QSER1: variants seen among roughly 807,000 people sequenced by gnomAD.
QSER1 encodes glutamine and serine-rich protein 1.
In QSER1, 49 loss-of-function variants were observed where a neutral mutation model predicts 158.5. The ratio of observed to expected loss-of-function variants is 0.31; its 90% CI spans 0.25 to 0.39. The LOEUF is 0.39. Ranked by LOEUF, QSER1 falls within the 10% of genes least tolerant of loss-of-function variation. The pLI is 1.00. For missense variants in QSER1, 1,754 were observed against 2,010.3 expected (o/e 0.87, Z 2.44); for synonymous variants, 650 against 715.5 (o/e 0.91, Z 1.46).
chr11:32,932,741 G>T lies in QSER1; in HGVS notation c.1483G>T (p.Val495Phe). 1 of 1,614,096 alleles carries T rather than the reference G, an allele frequency of 6.2e-7. No individual in the cohort carries two copies. Among genetic ancestry groups the T allele is most frequent in the South Asian group, 1.1e-5 (1 of 91,078 alleles). ...VHSQVYRSSK[V>F]EKLPPLYKTL... ...TTCACAGGTTTATAGGTCCAGCAAG[G>T]TTGAGAAATTGCCACCCTTGTATAA... Residue 495 changes from valine (V) to phenylalanine (F), a missense_variant, in exon 4 of 13, where the codon GTT becomes TTT. Coordinates refer to ENST00000650167, the MANE Select transcript of QSER1 (RefSeq NM_001076786.3).
At chr11:32,913,744 C>T (rs1392732468) in intron 1 of QSER1, among the ~76,000 whole-genome samples, 1 of 152,190 alleles carries the variant, frequency 6.6e-6, no homozygotes, top group Non-Finnish European at 1.5e-5. Context: ...ATTGTTTACT[C>T]TCACAACAAC....
In QSER1 at chr11:32,933,433, T is replaced by A; in HGVS notation, c.2175T>A (p.Thr725=). 6.2e-7 allele frequency: 1 copy of A among 1,613,730 alleles called. No homozygotes were observed. The highest frequency in any genetic ancestry group is 8.5e-7 in the Non-Finnish European group (1 of 1,179,890). Reference sequence around the variant, plus strand: ...GAGAAATTAATGCTCAAGAATCAACTTATAAGGTGTCAAAGGCAGATGACA... The same window carrying A: ...GAGAAATTAATGCTCAAGAATCAACATATAAGGTGTCAAAGGCAGATGACA... The part of the protein sequence containing the change: ...SDGEINAQES[T]YKVSKADDRY... The change falls in exon 4 of 13, where the codon ACT becomes ACA. Residue 725 remains threonine (T), a synonymous_variant. Transcript: ENST00000650167.
chr11:32,917,637 C>A (rs547030763), intron 1 of QSER1, among the ~76,000 whole-genome samples: 8 of 151,978 alleles, frequency 5.3e-5, no homozygotes, highest in African/African-American at 1.9e-4. Flanking sequence ...ACCAGCCTAG[C>A]CAACATGGTG....
At chr11:32,948,160 A>G (rs974794129) in intron 4 of QSER1, among the ~76,000 whole-genome samples, 2 of 152,232 alleles carry the variant, frequency 1.3e-5, no homozygotes, top group Admixed American at 6.5e-5. Context: ...AAAGGAAACC[A>G]AAACTGAAAT....
chr11:32,929,260 C>T (rs1238577716), intron 3 of QSER1, among the ~76,000 whole-genome samples: 2 of 152,034 alleles, frequency 1.3e-5, no homozygotes, highest in African/African-American at 2.4e-5. Flanking sequence ...TACAGGCATG[C>T]ACCACCACGC....
intron 1 of QSER1, among the ~76,000 whole-genome samples, chr11:32,926,454 G>T (rs545529268): frequency 6.6e-6 from 1 of 152,116 alleles, no homozygotes; most frequent in Non-Finnish European, 1.5e-5. Flanking sequence ...AGAAAAGTGG[G>T]TATGTGTGTA....
intron 10 of QSER1, among the ~76,000 whole-genome samples, chr11:32,969,683 T>C (rs1306298713): frequency 2.7e-5 from 4 of 148,334 alleles, no homozygotes; most frequent in African/African-American, 9.9e-5. Flanking sequence ...TTTCTTTTCT[T>C]TTCTTTTTTT....
intron 1 of QSER1, among the ~76,000 whole-genome samples, chr11:32,895,293 G>A (rs1000602847): frequency 1.3e-5 from 2 of 152,054 alleles, no homozygotes; most frequent in African/African-American, 4.8e-5. Flanking sequence ...GCGGTGGGGG[G>A]AATCAGCTAA....
At position 32,955,413 on chromosome 11, in the gene QSER1, G is replaced by A; in HGVS notation, c.4617+1G>A. 1 of 1,476,906 alleles carries A rather than the reference G, an allele frequency of 6.8e-7. No homozygotes were observed. Among genetic ancestry groups the A allele is most frequent in the African/African-American group, 1.4e-5 (1 of 70,452 alleles). 91.5% of individuals were successfully genotyped at this position (1,476,906 alleles called of 1,614,324 possible). ...AAGAGAATTTGCTGCTACAAATAGT[G>A]TAAGTAAAATGCATGTTTACATTAG... is the stretch of plus-strand genomic sequence containing the variant. On this transcript the variant is annotated splice_donor_variant, in intron 6 of 12. Transcript: ENST00000650167. LOFTEE classifies it high-confidence loss of function.
chr11:32,943,674 A>G (rs1852278273), intron 4 of QSER1, among the ~76,000 whole-genome samples: 1 of 151,170 alleles, frequency 6.6e-6, no homozygotes, highest in African/African-American at 2.4e-5. Flanking sequence ...ATGTTCATCA[A>G]GGATATTGGT....
At chr11:32,965,124 T>C (rs1378764980) in intron 8 of QSER1, among the ~76,000 whole-genome samples, 4 of 152,126 alleles carry the variant, frequency 2.6e-5, no homozygotes, top group Non-Finnish European at 5.9e-5. Flanking sequence ...TTTCTTTTTC[T>C]TTATGAGACA....
chr11:32,948,743 A>T (rs544628197), intron 4 of QSER1, among the ~76,000 whole-genome samples: 108 of 152,300 alleles, frequency 7.1e-4, no homozygotes, highest in African/African-American at 2.3e-3. Context: ...TTCTTTTTTT[A>T]AAAAAATTTT....
At position 32,958,693 on chromosome 11, in the gene QSER1, T is replaced by A. The variant is rs147803047; in HGVS notation, c.4969+607T>A. 2.2e-3 allele frequency among the ~76,000 whole-genome samples: 338 copies of A among 152,242 alleles called. 2 individuals are homozygous for A. The highest frequency in any genetic ancestry group is 7.5e-3 in the African/African-American group (311 of 41,544). ...CACTGCGCCCCACCTAGCATAAACATTTGAGTCTAAGTTTATGCTAGAAGA... is the reference window on the plus strand; with the variant it reads ...CACTGCGCCCCACCTAGCATAAACAATTGAGTCTAAGTTTATGCTAGAAGA... On this transcript the variant is annotated intron_variant, in intron 8 of 12. Coordinates refer to ENST00000650167, the MANE Select transcript of QSER1 (RefSeq NM_001076786.3).
At position 32,933,684 on chromosome 11, in the gene QSER1, A is replaced by G. The variant is rs372412216; in HGVS notation, c.2426A>G (p.His809Arg). The change falls in exon 4 of 13, where the codon CAT becomes CGT. Residue 809 changes from histidine to arginine, a missense_variant. Physicochemically the swap from His to Arg is conservative, Grantham distance 29 (BLOSUM62 0). Coordinates refer to ENST00000650167, the MANE Select transcript of QSER1 (RefSeq NM_001076786.3). ...AATACTAAAGACTTAAAGCAGCAAC[A>G]TCCTCTCATACTTAAGGTGCATGAG... ...RLNTKDLKQQ[H>R]PLILKVHESK... 5.6e-5 allele frequency: 91 copies of G among 1,613,762 alleles called. No homozygotes were observed. In the African/African-American group the frequency reaches 7.5e-4, roughly 13 times the overall value.
intron 7 of QSER1, among the ~76,000 whole-genome samples, chr11:32,957,608 G>A (rs976655380): frequency 6.6e-6 from 1 of 152,130 alleles, no homozygotes; most frequent in Non-Finnish European, 1.5e-5. Context: ...ATCAAGGAGG[G>A]CAATGAAGAA....
At chr11:32,956,245 A>G in intron 7 of QSER1, 124 bp downstream of exon 7, 2 of 783,206 alleles carry the variant, frequency 2.6e-6, no homozygotes, top group South Asian at 3.4e-5. Context: ...AAAAAATTTC[A>G]GTGCCTGATG....
In QSER1 at chr11:32,955,280, A is replaced by G; in HGVS notation, c.4501-16A>G. On this transcript the variant is annotated splice_polypyrimidine_tract_variant and intron_variant, in intron 5 of 12. Coordinates refer to ENST00000650167, the MANE Select transcript of QSER1 (RefSeq NM_001076786.3). ...TTGCTGTGTTTTGTAAGTATCATTA[A>G]TTCTGGTTATTACAGGAGGCTTTAA... 1 of 1,323,920 alleles carries G rather than the reference A, an allele frequency of 7.6e-7. No homozygotes were observed. The allele number at this position is 1,323,920 out of a possible 1,614,324, so 82.0% of individuals were successfully genotyped here. A position where few individuals can be genotyped will look rare whatever the true frequency, so the allele number is the denominator to read the frequency against.
rs1209983347 is a variant in QSER1, at chr11:32,904,102, T to C, written c.209+10768T>C. On this transcript the variant is annotated intron_variant, in intron 1 of 12. Transcript: ENST00000650167. Reference sequence around the variant, plus strand: ...TGTTACTAGGCTGCTACTAACACAGTTTCCTTACATTGACTCAGGCCAGTC... The same window carrying C: ...TGTTACTAGGCTGCTACTAACACAGCTTCCTTACATTGACTCAGGCCAGTC... 2.6e-5 allele frequency among the ~76,000 whole-genome samples: 4 copies of C among 152,214 alleles called. No homozygotes were observed. The East Asian group carries it at 7.7e-4, about 29-fold the overall frequency.
chr11:32,958,077 G>A lies in QSER1; in HGVS notation c.4960G>A (p.Asp1654Asn), dbSNP rs1852554820. ...TCCTGAGATCCATACTAGTAGTAGTGACGATGAGGGTGAGTTTTCCGTGAA... is the reference window on the plus strand; with the variant it reads ...TCCTGAGATCCATACTAGTAGTAGTAACGATGAGGGTGAGTTTTCCGTGAA... ...SSPEIHTSSS[D>N]DEEFEPPAPF... The change falls in exon 8 of 13, where the codon GAC becomes AAC. Residue 1654 changes from aspartate (D) to asparagine (N), a missense_variant. Transcript: ENST00000650167. 1.2e-6 allele frequency: 2 copies of A among 1,613,384 alleles called. No individual in the cohort carries two copies. Among genetic ancestry groups the A allele is most frequent in the Non-Finnish European group, 1.7e-6 (2 of 1,179,552 alleles).
Sources: gnomAD v4.1 joint callset for allele counts (sites outside exome capture counted in the v4.1 genomes callset) on GRCh38, gnomAD v4.1.1 for gene constraint, MANE v1.5 for transcripts, NCBI Gene and HGNC (gene_info 2026-07-23, HGNC 2026-07-21) for gene names.